The following NAA50 variants were observed in gnomAD, a reference collection of about 807,000 sequenced individuals.
NAA50 encodes N-alpha-acetyltransferase 50, NatE catalytic subunit.
A neutral mutation model predicts 20.7 loss-of-function variants in NAA50; 7 were observed. The ratio of observed to expected loss-of-function variants is 0.34; its 90% confidence interval spans 0.19 to 0.63. The LOEUF (loss-of-function observed/expected upper bound fraction) is 0.63, where lower values mean the gene tolerates loss of function less well. NAA50 is among the 30% of genes least tolerant of loss of function. The probability of loss-of-function intolerance (pLI) is 0.75; values close to 1 mark genes in which losing one functional copy is unlikely to be tolerated. For synonymous variants in NAA50, 54 were observed against 70.6 expected (o/e 0.77, Z 1.18); for missense variants, 111 against 199.1 (o/e 0.56, Z 2.66).
intron 1 of NAA50, among the ~76,000 whole-genome samples, chr3:113,737,022 C>T (rs931395523): frequency 1.3e-4 from 20 of 152,040 alleles, no homozygotes; most frequent in African/African-American, 4.6e-4. Flanking sequence ...AACTAAACCC[C>T]CAAGAGACAA....
chr3:113,722,637 G>A (rs1305628759), intron 4 of NAA50, among the ~76,000 whole-genome samples: 1 of 152,080 alleles, frequency 6.6e-6, no homozygotes, highest in Admixed American at 6.6e-5. Context: ...AATTCTGAAG[G>A]CCTGAGTTTT....
chr3:113,745,875 C>T (rs924810314), intron 1 of NAA50, 67 bp downstream of exon 1: 75 of 1,552,358 alleles, frequency 4.8e-5, no homozygotes, highest in South Asian at 1.2e-5. Context: ...TTGCGGCTCT[C>T]CCCCTCTACA....
At chr3:113,733,683 C>G (rs777732562) in intron 1 of NAA50, among the ~76,000 whole-genome samples, 2 of 151,646 alleles carry the variant, frequency 1.3e-5, no homozygotes, top group Non-Finnish European at 2.9e-5. Flanking sequence ...GAAACCCCAT[C>G]TCTACTAAAA....
At chr3:113,735,778 G>C (rs975900851) in intron 1 of NAA50, among the ~76,000 whole-genome samples, 1 of 152,224 alleles carries the variant, frequency 6.6e-6, no homozygotes, top group African/African-American at 2.4e-5. Context: ...CTGCCTCCCA[G>C]GTTCAAGCGA....
chr3:113,720,720 T>G lies in NAA50; in HGVS notation c.*1040A>C, dbSNP rs1218639789. On this transcript the variant is annotated 3_prime_UTR_variant, in exon 5 of 5. Transcript: ENST00000240922. ...AAAAATACTATTTTTTCCTATAAAATCAAATGCTCAGTGGCCACACTTTTA... is the reference window on the plus strand; with the variant it reads ...AAAAATACTATTTTTTCCTATAAAAGCAAATGCTCAGTGGCCACACTTTTA... The G allele has an allele frequency of 6.6e-6, 1 of 152,254 alleles. No individual in the cohort carries two copies. Among genetic ancestry groups the G allele is most frequent in the Non-Finnish European group, 1.5e-5 (1 of 67,962 alleles). The allele number at this position is 152,254 out of a possible 1,614,324, so 9.4% of individuals were successfully genotyped here.
At chr3:113,745,358 A>G (rs1708476840) in intron 1 of NAA50, among the ~76,000 whole-genome samples, 2 of 152,082 alleles carry the variant, frequency 1.3e-5, no homozygotes, top group African/African-American at 4.8e-5. Context: ...TGGCACCCCA[A>G]GTCTACAGTG....
chr3:113,723,758 A>C (rs1289455123), intron 2 of NAA50, among the ~76,000 whole-genome samples: 1 of 152,206 alleles, frequency 6.6e-6, no homozygotes, highest in Non-Finnish European at 1.5e-5. Context: ...CACTAAGAAC[A>C]CTAAGCATTT....
In NAA50 at chr3:113,718,618, A is replaced by G. The variant is rs929810235; in HGVS notation, c.*3142T>C. On this transcript the variant is annotated 3_prime_UTR_variant, in exon 5 of 5. Coordinates refer to ENST00000240922, the MANE Select transcript of NAA50 (RefSeq NM_025146.4). ...CATTGAACTACCGTACTCCTTCCTTACAAGGAAGAAAAACAAAACACCTGA... is the reference window on the plus strand; with the variant it reads ...CATTGAACTACCGTACTCCTTCCTTGCAAGGAAGAAAAACAAAACACCTGA... The G allele has an allele frequency of 1.3e-5, 2 of 152,192 alleles. No homozygotes were observed. Among genetic ancestry groups the G allele is most frequent in the Admixed American group, 6.5e-5 (1 of 15,284 alleles). The allele number at this position is 152,192 out of a possible 1,614,324, so 9.4% of individuals were successfully genotyped here.
At chr3:113,723,318 T>C in intron 3 of NAA50, 104 bp downstream of exon 3, 1 of 1,092,174 alleles carries the variant, frequency 9.2e-7, no homozygotes, top group Non-Finnish European at 1.3e-6. Flanking sequence ...TAACCCTTTC[T>C]CAGTATTCCT....
chr3:113,718,643 AAT>A lies in NAA50; in HGVS notation c.*3115_*3116del, dbSNP rs1311721418. On this transcript the variant is annotated 3_prime_UTR_variant, in exon 5 of 5. Coordinates refer to ENST00000240922, the MANE Select transcript of NAA50 (RefSeq NM_025146.4). ...ACAAGGAAGAAAAACAAAACACCTG[AAT>A]ATGTTGTCTGTAGCCAATAAACATT... 1 of 152,234 alleles carries A rather than the reference AAT, an allele frequency of 6.6e-6. No homozygotes were observed. Among genetic ancestry groups the A allele is most frequent in the Non-Finnish European group, 1.5e-5 (1 of 68,038 alleles). The allele number at this position is 152,234 out of a possible 1,614,324, so 9.4% of individuals were successfully genotyped here.
rs1332493888 is a variant in NAA50 at position 113,717,489 on chromosome 3, G to C, written c.*4271C>G. ...GTTAACAACACACATTAAGAAATCT[G>C]ACTCAAGCTCTTTTTCCCATGTGAC... is the stretch of plus-strand genomic sequence containing the variant. On this transcript the variant is annotated 3_prime_UTR_variant, in exon 5 of 5. Transcript: ENST00000240922. 6.6e-6 allele frequency: 1 copy of C among 152,150 alleles called. No homozygotes were observed. The highest frequency in any genetic ancestry group is 2.4e-5 in the African/African-American group (1 of 41,416). 9.4% of individuals were successfully genotyped at this position (152,150 alleles called of 1,614,324 possible). A position where few individuals can be genotyped will look rare whatever the true frequency, so the allele number is the denominator to read the frequency against.
chr3:113,742,261 T>G (rs956796287), intron 1 of NAA50, among the ~76,000 whole-genome samples: 2 of 152,086 alleles, frequency 1.3e-5, no homozygotes, highest in African/African-American at 2.4e-5. Context: ...AAAAAAAGTT[T>G]TGTTTTGTTT....
At chr3:113,730,692 ACATAG>A (rs1332549900) in intron 1 of NAA50, among the ~76,000 whole-genome samples, 4 of 152,214 alleles carry the variant, frequency 2.6e-5, no homozygotes, top group African/African-American at 7.2e-5. Flanking sequence ...ATCACAAAAT[ACATAG>A]CTGCTTGTTT....
In NAA50 at chr3:113,719,782, T is replaced by C. The variant is rs1708110160; in HGVS notation, c.*1978A>G. 6.6e-6 allele frequency: 1 copy of C among 152,628 alleles called. No homozygotes were observed. The highest frequency in any genetic ancestry group is 2.4e-5 in the African/African-American group (1 of 41,464). The allele number at this position is 152,628 out of a possible 1,614,324, so 9.5% of individuals were successfully genotyped here. On this transcript the variant is annotated 3_prime_UTR_variant, in exon 5 of 5. Coordinates refer to ENST00000240922, the MANE Select transcript of NAA50 (RefSeq NM_025146.4). ...ACATTTAGGGATACATTCATAGGAC[T>C]GATTAGATAGTCCAGGTGAAATGGT... is the stretch of plus-strand genomic sequence containing the variant.
At chr3:113,744,288 C>G (rs113917952) in intron 1 of NAA50, among the ~76,000 whole-genome samples, 6 of 151,994 alleles carry the variant, frequency 3.9e-5, no homozygotes, top group African/African-American at 1.4e-4. Context: ...ATAGTCAGAC[C>G]CCCGTCTCTA....
In NAA50 at chr3:113,721,679, G is replaced by T; in HGVS notation, c.*81C>A. On this transcript the variant is annotated 3_prime_UTR_variant, in exon 5 of 5. Transcript: ENST00000240922. ...GAGGGAGAAAAGCTTTAAAAGAAAA[G>T]TGTTGGGGTGGGGGAGGAATCAATG... The T allele has an allele frequency of 7.0e-7, 1 of 1,432,724 alleles. No individual in the cohort carries two copies. Among genetic ancestry groups the T allele is most frequent in the South Asian group, 1.2e-5 (1 of 84,206 alleles). 88.8% of individuals were successfully genotyped at this position (1,432,724 alleles called of 1,614,324 possible). A position where few individuals can be genotyped will look rare whatever the true frequency, so the allele number is the denominator to read the frequency against.
At chr3:113,739,333 G>A (rs1239716351) in intron 1 of NAA50, 2 of 152,156 alleles carry the variant, frequency 1.3e-5, no homozygotes, top group African/African-American at 4.8e-5. Context: ...GGAAAGAGAA[G>A]GACATTCTCA....
intron 1 of NAA50, among the ~76,000 whole-genome samples, chr3:113,733,600 C>T (rs866485535): frequency 1.3e-5 from 2 of 151,578 alleles, no homozygotes; most frequent in Non-Finnish European, 2.9e-5. Flanking sequence ...GCCTGTAATC[C>T]CAGCACTTTG....
At position 113,728,619 on chromosome 3, in the gene NAA50, A is replaced by G. The variant is rs557518447; in HGVS notation, c.9-4524T>C. Among the ~76,000 whole-genome samples, 97 of 152,342 alleles carry G rather than the reference A, an allele frequency of 6.4e-4. 1 individual carries two copies. The highest frequency in any genetic ancestry group is 2.2e-3 in the African/African-American group (93 of 41,590). ...GCTTGTGTATAAATGCGGAAGCTGA[A>G]AAAGAACCAATTTTATGACGGCCTC... On this transcript the variant is annotated intron_variant, in intron 1 of 4. Transcript: ENST00000240922.
Sources: allele counts gnomAD v4.1 joint callset (sites outside exome capture counted in the v4.1 genomes callset), GRCh38; gene constraint gnomAD v4.1.1; transcripts MANE v1.5; gene names NCBI Gene and HGNC (gene_info 2026-07-23, HGNC 2026-07-21).